RAVER2: variants seen among roughly 807,000 people sequenced by gnomAD.
The protein encoded by RAVER2 is ribonucleoprotein, PTB binding 2.
A neutral mutation model predicts 78.1 loss-of-function variants in RAVER2; 46 were observed. The ratio of observed to expected loss-of-function variants is 0.59; its 90% CI spans 0.46 to 0.75. The LOEUF (loss-of-function observed/expected upper bound fraction) is 0.75. Ranked by LOEUF, RAVER2 falls within the 30% of genes least tolerant of loss-of-function variation. The pLI is 0.00. For synonymous variants in RAVER2, 311 were observed against 313.3 expected, an observed-to-expected ratio of 0.99 and a Z score of 0.08; for missense variants, 793 against 837.5, an observed-to-expected ratio of 0.95 and a Z score of 0.66.
intron 2 of RAVER2, among the ~76,000 whole-genome samples, chr1:64,770,622 C>G (rs1284927239): frequency 6.6e-6 from 1 of 152,008 alleles, no homozygotes; most frequent in South Asian, 2.1e-4. Flanking sequence ...TCAATCACAA[C>G]TGGCCTAGAA....
exon 9 of RAVER2, chr1:64,807,306 C>T: frequency 6.2e-7 from 1 of 1,614,108 alleles, no homozygotes; most frequent in Non-Finnish European, 8.5e-7. Context: ...GGCCAGGGCA[C>T]AGTAATACTC....
At chr1:64,765,581 C>T (rs919446301) in intron 1 of RAVER2, among the ~76,000 whole-genome samples, 2 of 152,136 alleles carry the variant, frequency 1.3e-5, no homozygotes, top group African/African-American at 4.8e-5. Flanking sequence ...TTTGGGGCCA[C>T]ATGCCTACAT....
intron 5 of RAVER2, among the ~76,000 whole-genome samples, chr1:64,797,443 A>ATC (rs1653125667): frequency 6.6e-6 from 1 of 152,226 alleles, no homozygotes; most frequent in African/African-American, 2.4e-5. Context: ...GTTCAGTAAA[A>ATC]AGCTGTGAAG....
chr1:64,796,912 C>T (rs1325177975), intron 5 of RAVER2, among the ~76,000 whole-genome samples: 1 of 152,060 alleles, frequency 6.6e-6, no homozygotes, highest in Non-Finnish European at 1.5e-5. Flanking sequence ...CTGTATCTCA[C>T]AAATTTTGAT....
At chr1:64,809,504 A>G (rs1016824706) in intron 9 of RAVER2, among the ~76,000 whole-genome samples, 2 of 151,784 alleles carry the variant, frequency 1.3e-5, no homozygotes, top group Non-Finnish European at 1.5e-5. Flanking sequence ...AAATAAATAA[A>G]TAAATAAATA....
chr1:64,766,746 G>A (rs1652185433), intron 1 of RAVER2, among the ~76,000 whole-genome samples: 1 of 152,076 alleles, frequency 6.6e-6, no homozygotes, highest in African/African-American at 2.4e-5. Flanking sequence ...TGAAATGAGA[G>A]ATTAGATTCT....
chr1:64,826,514 A>AG (rs1654006698), intron 11 of RAVER2, among the ~76,000 whole-genome samples: 1 of 152,192 alleles, frequency 6.6e-6, no homozygotes, highest in African/African-American at 2.4e-5. Context: ...AGCAACCTTT[A>AG]GGGCAGAAGA....
intron 10 of RAVER2, 146 bp downstream of exon 10, chr1:64,812,995 TTAAAAC>T (rs567645892): frequency 1.4e-3 from 766 of 531,472 alleles, no homozygotes; most frequent in Non-Finnish European, 2.1e-3. Context: ...GAAAGAATAA[TTAAAAC>T]TAAGACACTC....
intron 1 of RAVER2, among the ~76,000 whole-genome samples, chr1:64,746,145 T>C (rs1651531436): frequency 6.6e-6 from 1 of 152,180 alleles, no homozygotes; most frequent in Admixed American, 6.5e-5. Context: ...TCTGCATCTA[T>C]TTAACTTTTT....
intron 6 of RAVER2, among the ~76,000 whole-genome samples, chr1:64,804,016 A>G (rs1653342450): frequency 6.6e-6 from 1 of 151,944 alleles, no homozygotes; most frequent in Admixed American, 6.6e-5. Context: ...CTGCCTCTCA[A>G]CTCACTGCAG....
chr1:64,807,358 T>G (rs1193304025), exon 9 of RAVER2: 1 of 1,613,970 alleles, frequency 6.2e-7, no homozygotes, highest in African/African-American at 1.3e-5. Flanking sequence ...AGAAGGAAAT[T>G]TCTCAGGGTC....
chr1:64,768,732 C>T lies in RAVER2; in HGVS notation c.316+10C>T, dbSNP rs200137999. 1.4e-5 allele frequency: 20 copies of T among 1,470,966 alleles called. No individual in the cohort carries two copies. In the African/African-American group the frequency reaches 2.0e-4, roughly 14 times the overall value. The allele number at this position is 1,470,966 out of a possible 1,614,324, so 91.1% of individuals were successfully genotyped here. A position where few individuals can be genotyped will look rare whatever the true frequency, so the allele number is the denominator to read the frequency against. On this transcript the variant is annotated intron_variant, in intron 2 of 11. Transcript: ENST00000294428. ...AGAAATAAACGAACAGGTAAGATTT[C>T]TATTCTAAGTGTCTAATTTCATTTT...
At chr1:64,769,272 A>G (rs757783054) in intron 2 of RAVER2, among the ~76,000 whole-genome samples, 2 of 152,070 alleles carry the variant, frequency 1.3e-5, no homozygotes, top group East Asian at 1.9e-4. Flanking sequence ...AAGTATGTAC[A>G]TAGCTAGAGC....
intron 6 of RAVER2, among the ~76,000 whole-genome samples, chr1:64,803,330 TAATA>T (rs1292927173): frequency 1.3e-5 from 2 of 152,134 alleles, no homozygotes; most frequent in Non-Finnish European, 2.9e-5. Flanking sequence ...TTTTTCTAGA[TAATA>T]AATAAGTTGT....
At chr1:64,803,038 T>G in exon 6 of RAVER2, 1 of 1,604,084 alleles carries the variant, frequency 6.2e-7, no homozygotes, top group Non-Finnish European at 8.5e-7. Flanking sequence ...TCCTGCATTT[T>G]TACATTTGAA....
intron 1 of RAVER2, among the ~76,000 whole-genome samples, chr1:64,753,314 C>G (rs2100803338): frequency 6.6e-6 from 1 of 152,160 alleles, no homozygotes; most frequent in Middle Eastern, 3.4e-3. Context: ...CTTGGCCTCC[C>G]AAACTGTTGG....
At chr1:64,811,764 G>A (rs1321320690) in intron 9 of RAVER2, among the ~76,000 whole-genome samples, 1 of 152,184 alleles carries the variant, frequency 6.6e-6, no homozygotes, top group Non-Finnish European at 1.5e-5. Context: ...TAGTAGTTAA[G>A]TTTTTGGGTA....
Position 64,745,227 on chromosome 1 carries a change from G to A in RAVER2, c.55G>A (p.Ala19Thr), listed in dbSNP as rs1651489339. ...CGAGGGGGGCGCGGGCCTGGGCAGC[G>A]CGGCGGGGCTGGGGCCGGGGCCGGG... Residue 19 changes from alanine to threonine, a missense_variant, in exon 1 of 12, where the codon GCG becomes ACG. By Grantham distance (58) the Ala-to-Thr change is moderately conservative. Transcript: ENST00000294428. This position sits in a 1 kb window ranked among gnomAD's most constrained non-coding sequence, Gnocchi z 4.3. 9.1e-7 allele frequency: 1 copy of A among 1,097,220 alleles called. No individual in the cohort carries two copies. Among genetic ancestry groups the A allele is most frequent in the African/African-American group, 1.7e-5 (1 of 59,188 alleles). 68.0% of individuals were successfully genotyped at this position (1,097,220 alleles called of 1,614,324 possible).
intron 1 of RAVER2, among the ~76,000 whole-genome samples, chr1:64,759,034 G>A (rs1651935528): frequency 6.6e-6 from 1 of 151,586 alleles, no homozygotes; most frequent in African/African-American, 2.4e-5. Flanking sequence ...TGGGATGTCT[G>A]CAAGCAAAAA....
Sources: gnomAD v4.1 joint callset for allele counts (sites outside exome capture counted in the v4.1 genomes callset) on GRCh38, gnomAD v4.1.1 for gene constraint, Gnocchi (gnomAD v3.1) non-coding constraint, MANE v1.5 for transcripts, NCBI Gene and HGNC (gene_info 2026-07-23, HGNC 2026-07-21) for gene names.